Variants in NAALADL2 observed in about 807,000 individuals in gnomAD.
NAALADL2 encodes inactive N-acetylated-alpha-linked acidic dipeptidase-like protein 2.
A neutral mutation model predicts 87.2 loss-of-function variants in NAALADL2; 76 were observed. That is an observed-to-expected ratio of 0.87 (90% CI 0.72 to 1.05). The LOEUF (loss-of-function observed/expected upper bound fraction) is 1.05. Ranked by LOEUF, NAALADL2 falls within the 50% of genes least tolerant of loss-of-function variation. NAALADL2 has a pLI of 0.00. For synonymous variants in NAALADL2, 354 were observed against 331.0 expected (o/e 1.07, Z -0.75); for missense variants, 1,089 against 945.8 (o/e 1.15, Z -1.99).
chr3:175,778,141 C>A (rs1287291521), intron 13 of NAALADL2, among the ~76,000 whole-genome samples: 1 of 152,052 alleles, frequency 6.6e-6, no homozygotes, highest in Non-Finnish European at 1.5e-5. Flanking sequence ...AATATAAAAT[C>A]TAAAGTTATT....
chr3:174,615,754 A>G (rs539282514), intron 2 of NAALADL2, among the ~76,000 whole-genome samples: 2 of 151,742 alleles, frequency 1.3e-5, no homozygotes, highest in East Asian at 3.9e-4. Flanking sequence ...CTTCCTGTTA[A>G]CTCTGGGATC....
At chr3:175,352,345 A>T (rs1003298706) in intron 5 of NAALADL2, among the ~76,000 whole-genome samples, 3 of 152,136 alleles carry the variant, frequency 2.0e-5, no homozygotes, top group Non-Finnish European at 4.4e-5. Context: ...GCAGTCAAAC[A>T]ACAAAAAATG....
intron 2 of NAALADL2, among the ~76,000 whole-genome samples, chr3:174,697,674 TAAATA>T (rs1302310855): frequency 6.6e-6 from 1 of 152,202 alleles, no homozygotes; most frequent in Non-Finnish European, 1.5e-5. Flanking sequence ...GTGACTCCCT[TAAATA>T]CAATGCATCA....
At chr3:175,213,609 G>T (rs1040286204) in intron 2 of NAALADL2, among the ~76,000 whole-genome samples, 4 of 152,192 alleles carry the variant, frequency 2.6e-5, no homozygotes, top group African/African-American at 9.6e-5. Context: ...ACATAGTGTA[G>T]TAGGTACAGA....
At chr3:175,086,319 A>C (rs1226160231) in intron 1 of NAALADL2, among the ~76,000 whole-genome samples, 1 of 152,154 alleles carries the variant, frequency 6.6e-6, no homozygotes, top group Non-Finnish European at 1.5e-5. Context: ...ATCAACAGTG[A>C]AACTTGTAAG....
chr3:175,215,572 A>G (rs1229527014), intron 2 of NAALADL2, among the ~76,000 whole-genome samples: 3 of 152,086 alleles, frequency 2.0e-5, no homozygotes, highest in East Asian at 1.9e-4. Flanking sequence ...GACCACTTCT[A>G]TGACTTCCTT....
intron 4 of NAALADL2, among the ~76,000 whole-genome samples, chr3:175,309,712 A>G (rs1252083440): frequency 2.0e-5 from 3 of 152,062 alleles, no homozygotes; most frequent in Non-Finnish European, 4.4e-5. Flanking sequence ...CTTCTTTATC[A>G]TAACCACCAA....
intron 1 of NAALADL2, among the ~76,000 whole-genome samples, chr3:174,467,352 T>A (rs1332041289): frequency 6.6e-6 from 1 of 151,890 alleles, no homozygotes; most frequent in African/African-American, 2.4e-5. Context: ...CCCAACACTC[T>A]GGGAGGCCAA....
intron 5 of NAALADL2, among the ~76,000 whole-genome samples, chr3:175,423,642 A>C (rs1419864900): frequency 6.6e-6 from 1 of 152,184 alleles, no homozygotes; most frequent in Non-Finnish European, 1.5e-5. Flanking sequence ...TGTATGTGCC[A>C]CATTTTCTAA....
At chr3:174,958,077 C>A (rs184334039) in intron 1 of NAALADL2, among the ~76,000 whole-genome samples, 1 of 151,832 alleles carries the variant, frequency 6.6e-6, no homozygotes, top group African/African-American at 2.4e-5. Context: ...AGTCCATCCT[C>A]CCCTCCGGAA....
intron 3 of NAALADL2, among the ~76,000 whole-genome samples, chr3:175,236,141 T>C (rs1422645199): frequency 2.6e-5 from 4 of 152,178 alleles, no homozygotes; most frequent in African/African-American, 7.2e-5. Context: ...ATTAAATTTC[T>C]ATGACTCCTT....
At chr3:175,066,110 C>A (rs987157942) in intron 1 of NAALADL2, among the ~76,000 whole-genome samples, 2 of 152,130 alleles carry the variant, frequency 1.3e-5, no homozygotes, top group African/African-American at 4.8e-5. Flanking sequence ...AGCCACTCTG[C>A]AATCACTGAA....
At chr3:174,845,141 C>T (rs1305749817) in intron 3 of NAALADL2, among the ~76,000 whole-genome samples, 1 of 152,182 alleles carries the variant, frequency 6.6e-6, no homozygotes, top group East Asian at 1.9e-4. Context: ...TACCTAAGCA[C>T]TGGGTTAATA....
intron 5 of NAALADL2, among the ~76,000 whole-genome samples, chr3:175,401,716 A>G (rs1002460102): frequency 6.6e-6 from 1 of 152,150 alleles, no homozygotes; most frequent in Non-Finnish European, 1.5e-5. Context: ...TGAGACCACC[A>G]TCATATATGT....
chr3:174,968,721 G>T (rs927168308), intron 1 of NAALADL2, among the ~76,000 whole-genome samples: 3 of 152,056 alleles, frequency 2.0e-5, no homozygotes, highest in East Asian at 3.9e-4. Flanking sequence ...CTCGTGATCC[G>T]CCGCCTCGGC....
intron 1 of NAALADL2, among the ~76,000 whole-genome samples, chr3:174,482,688 C>G (rs112621201): frequency 1.3e-5 from 2 of 151,974 alleles, no homozygotes; most frequent in Non-Finnish European, 2.9e-5. Context: ...ACCCCTCTGT[C>G]TTATTCCTTT....
intron 2 of NAALADL2, among the ~76,000 whole-genome samples, chr3:175,192,548 G>A (rs1170507861): frequency 6.6e-6 from 1 of 151,870 alleles, no homozygotes; most frequent in Non-Finnish European, 1.5e-5. Flanking sequence ...AATGTAGAGA[G>A]CATTCATTAA....
At chr3:174,441,524 C>T (rs558906914) in intron 1 of NAALADL2, among the ~76,000 whole-genome samples, 1 of 152,236 alleles carries the variant, frequency 6.6e-6, no homozygotes, top group East Asian at 1.9e-4. Flanking sequence ...CAGCACAGTT[C>T]CGCCCCCGCG....
chr3:175,136,435 GT>G (rs1729127006), intron 2 of NAALADL2, among the ~76,000 whole-genome samples: 2 of 152,252 alleles, frequency 1.3e-5, no homozygotes, highest in South Asian at 4.1e-4. Context: ...AGAAGGACGG[GT>G]TAAAGTGGCA....
Sources: gnomAD v4.1 joint callset for allele counts (sites outside exome capture counted in the v4.1 genomes callset) on GRCh38, gnomAD v4.1.1 for gene constraint, MANE v1.5 for transcripts, NCBI Gene and HGNC (gene_info 2026-07-23, HGNC 2026-07-21) for gene names.